Variants in SKAP2 observed in about 807,000 individuals in gnomAD.
SKAP2 encodes src kinase associated phosphoprotein 2.
SKAP2 carries 28 observed loss-of-function variants against 54.9 expected under a neutral mutation model. That is an observed-to-expected ratio of 0.51 (90% confidence interval 0.38 to 0.70). The LOEUF (loss-of-function observed/expected upper bound fraction) is 0.70, where lower values mean the gene tolerates loss of function less well. Ranked by LOEUF, SKAP2 falls within the 30% of genes least tolerant of loss-of-function variation. The probability of loss-of-function intolerance (pLI) is 0.00; values close to 1 mark genes in which losing one functional copy is unlikely to be tolerated. For synonymous variants in SKAP2, 137 were observed against 134.3 expected (o/e 1.02, Z -0.14); for missense variants, 356 against 424.1 (o/e 0.84, Z 1.41).
chr7:26,777,146 A>G (rs1184195474), intron 4 of SKAP2, among the ~76,000 whole-genome samples: 1 of 152,184 alleles, frequency 6.6e-6, no homozygotes. Flanking sequence ...AAAGAAAAAA[A>G]TTTAAAAAAT....
chr7:26,814,864 T>A (rs188481599), intron 4 of SKAP2, among the ~76,000 whole-genome samples: 80 of 152,254 alleles, frequency 5.3e-4, no homozygotes, highest in African/African-American at 1.9e-3. Flanking sequence ...TTTAAAAAAA[T>A]TATTTATTTT....
chr7:26,682,549 T>C (rs937134936), intron 11 of SKAP2, among the ~76,000 whole-genome samples: 2 of 152,194 alleles, frequency 1.3e-5, no homozygotes, highest in African/African-American at 4.8e-5. Context: ...CAGGGTCTTC[T>C]TTCTTGGCTC....
chr7:26,845,817 A>G (rs1784908991), intron 3 of SKAP2, among the ~76,000 whole-genome samples: 1 of 152,096 alleles, frequency 6.6e-6, no homozygotes, highest in Admixed American at 6.5e-5. Context: ...ACCTATAGTC[A>G]CATCTGTGGG....
intron 9 of SKAP2, among the ~76,000 whole-genome samples, chr7:26,720,653 C>T (rs999121704): frequency 8.5e-5 from 13 of 152,052 alleles, no homozygotes; most frequent in African/African-American, 2.9e-4. Context: ...GTTAGGGAGG[C>T]CTGAGGAAAC....
At chr7:26,760,241 A>T (rs1782896054) in intron 4 of SKAP2, among the ~76,000 whole-genome samples, 1 of 152,220 alleles carries the variant, frequency 6.6e-6, no homozygotes, top group Non-Finnish European at 1.5e-5. Context: ...ACTACTCAAA[A>T]GGAAAGAAAA....
intron 3 of SKAP2, among the ~76,000 whole-genome samples, chr7:26,852,145 T>C (rs1785057812): frequency 6.6e-6 from 1 of 152,080 alleles, no homozygotes; most frequent in Admixed American, 6.5e-5. Flanking sequence ...CCTTCTTGGA[T>C]AAAGATAATC....
intron 4 of SKAP2, among the ~76,000 whole-genome samples, chr7:26,765,263 C>T (rs191622810): frequency 6.6e-6 from 1 of 152,128 alleles, no homozygotes; most frequent in Non-Finnish European, 1.5e-5. Flanking sequence ...TGTTTTTTGG[C>T]CACATATATG....
Position 26,716,714 on chromosome 7 carries a change from C to T in SKAP2, c.796+8714G>A, listed in dbSNP as rs184664641. ...ATTTACCCTCTGCTTCTTTGAGCAA[C>T]GCAAGATTGCATTCTATTTCCTTAG... On this transcript the variant is annotated intron_variant, in intron 9 of 12. Transcript: ENST00000345317. Among the ~76,000 whole-genome samples the T allele has an allele frequency of 1.1e-4, 16 of 152,140 alleles. No individual in the cohort carries two copies. In the South Asian group the frequency reaches 1.5e-3, roughly 14 times the overall value.
At chr7:26,863,221 G>C (rs1244578742) in intron 1 of SKAP2, among the ~76,000 whole-genome samples, 1 of 152,122 alleles carries the variant, frequency 6.6e-6, no homozygotes, top group Non-Finnish European at 1.5e-5. Context: ...TTGAATGACA[G>C]AATATTAGGA....
chr7:26,787,186 C>T (rs768761588), intron 4 of SKAP2, among the ~76,000 whole-genome samples: 109 of 152,238 alleles, frequency 7.2e-4, no homozygotes, highest in Middle Eastern at 6.8e-3. Flanking sequence ...CAGTATTAGG[C>T]TGTTTTTGCA....
chr7:26,743,551 T>C lies in SKAP2; in HGVS notation c.308-3587A>G, dbSNP rs556803139. 5.3e-5 allele frequency among the ~76,000 whole-genome samples: 8 copies of C among 152,298 alleles called. No homozygotes were observed. In the South Asian group the frequency reaches 1.2e-3, roughly 24 times the overall value. Reference sequence around the variant, plus strand: ...AACCCATATGTTAGGGACTAGACTATGCTACAGGAATTTATTATATGGGCT... The same window carrying C: ...AACCCATATGTTAGGGACTAGACTACGCTACAGGAATTTATTATATGGGCT... On this transcript the variant is annotated intron_variant, in intron 4 of 12. Coordinates refer to ENST00000345317, the MANE Select transcript of SKAP2 (RefSeq NM_003930.5).
chr7:26,801,801 G>A (rs1286610766), intron 4 of SKAP2, among the ~76,000 whole-genome samples: 1 of 151,998 alleles, frequency 6.6e-6, no homozygotes, highest in Non-Finnish European at 1.5e-5. Context: ...ACTTAAAGAG[G>A]TGAAAGATCT....
intron 9 of SKAP2, among the ~76,000 whole-genome samples, chr7:26,716,063 A>C (rs139265841): frequency 6.6e-6 from 1 of 152,352 alleles, no homozygotes; most frequent in African/African-American, 2.4e-5. Flanking sequence ...CTGTGAACAC[A>C]TATGTAGTCA....
chr7:26,684,221 A>G (rs1786578134), intron 11 of SKAP2, among the ~76,000 whole-genome samples: 1 of 152,198 alleles, frequency 6.6e-6, no homozygotes, highest in South Asian at 2.1e-4. Flanking sequence ...GTTTACAAAT[A>G]TAGTATGCTA....
chr7:26,662,710 G>C (rs1300645497), downstream of SKAP2, among the ~76,000 whole-genome samples: 1 of 152,128 alleles, frequency 6.6e-6, no homozygotes, highest in Non-Finnish European at 1.5e-5. Context: ...CAAAGCAACA[G>C]AGAGATAATA....
At chr7:26,859,859 G>GA (rs1316286339) in intron 1 of SKAP2, among the ~76,000 whole-genome samples, 1 of 152,160 alleles carries the variant, frequency 6.6e-6, no homozygotes, top group African/African-American at 2.4e-5. Flanking sequence ...TCAGTGGAAT[G>GA]AAAAAGAGAC....
chr7:26,798,851 A>C (rs530156424), intron 4 of SKAP2, among the ~76,000 whole-genome samples: 1 of 152,314 alleles, frequency 6.6e-6, no homozygotes, highest in South Asian at 2.1e-4. Flanking sequence ...ATTAGGTTAA[A>C]ATAATGGGTT....
intron 1 of SKAP2, among the ~76,000 whole-genome samples, chr7:26,855,963 A>G (rs1346806521): frequency 6.6e-6 from 1 of 152,114 alleles, no homozygotes; most frequent in Non-Finnish European, 1.5e-5. Flanking sequence ...AATATTACGT[A>G]TAAATAGTTC....
the SKAP2 span, among the ~76,000 whole-genome samples, chr7:26,655,603 G>A: frequency 6.8e-3 from 1,030 of 152,252 alleles, 11 homozygotes; most frequent in South Asian, 0.021. Context: ...TGGTTACAAT[G>A]GCTCAGTAAA....
Sources: gnomAD v4.1 joint callset for allele counts (sites outside exome capture counted in the v4.1 genomes callset) on GRCh38, gnomAD v4.1.1 for gene constraint, MANE v1.5 for transcripts, NCBI Gene and HGNC (gene_info 2026-07-23, HGNC 2026-07-21) for gene names.